WDR1: variants seen among roughly 807,000 people sequenced by gnomAD.
The protein encoded by WDR1 is WD repeat domain 1, also known as WD repeat-containing protein 1.
Under a neutral mutation model 71.9 loss-of-function variants are expected in WDR1, and 21 were observed. The observed-to-expected ratio is 0.29, with a 90% confidence interval of 0.21 to 0.42. WDR1 has a LOEUF of 0.42. Ranked by LOEUF, WDR1 falls within the 10% of genes least tolerant of loss-of-function variation. The pLI is 1.00. For synonymous variants in WDR1, 424 were observed against 347.4 expected (o/e 1.22, Z -2.45); for missense variants, 696 against 824.5 (o/e 0.84, Z 1.91).
chr4:10,105,878 A>G (rs1156475191), intron 2 of WDR1, among the ~76,000 whole-genome samples: 1 of 152,246 alleles, frequency 6.6e-6, no homozygotes, highest in Non-Finnish European at 1.5e-5. Context: ...CCAAATATCC[A>G]TCAACAGGTG....
At chr4:10,113,489 G>GGCAAGAAC (rs1370326726) in intron 2 of WDR1, among the ~76,000 whole-genome samples, 1 of 152,250 alleles carries the variant, frequency 6.6e-6, no homozygotes, top group Non-Finnish European at 1.5e-5. Flanking sequence ...GCAGCAAGGA[G>GGCAAGAAC]GCAAGAACGC....
rs940080876 is a variant in WDR1 at position 10,089,008 on chromosome 4, G to GC, written c.559-268dup. ...GCGAAGGCAGACCACCTCCAGTTATGCCCCCCCCAGTGAGGTGCCCCCAGC... is the reference window on the plus strand; with the variant it reads ...GCGAAGGCAGACCACCTCCAGTTATGCCCCCCCCCAGTGAGGTGCCCCCAGC... On this transcript the variant is annotated intron_variant, in intron 5 of 14. Coordinates refer to ENST00000499869, the MANE Select transcript of WDR1 (RefSeq NM_017491.5). Among the ~76,000 whole-genome samples, 260 of 151,970 alleles carry GC rather than the reference G, an allele frequency of 1.7e-3. 1 individual carries two copies. The highest frequency in any genetic ancestry group is 5.6e-3 in the African/African-American group (231 of 41,476).
intron 2 of WDR1, among the ~76,000 whole-genome samples, chr4:10,107,741 G>T (rs1004887587): frequency 1.3e-5 from 2 of 152,118 alleles, no homozygotes; most frequent in African/African-American, 4.8e-5. Flanking sequence ...GGAGGAGTCC[G>T]GGGGCCTCTG....
Position 10,074,994 on chromosome 4 carries a change from G to GC in WDR1, c.*383dup, listed in dbSNP as rs1361577788. The GC allele has an allele frequency of 2.4e-5, 7 of 289,122 alleles. No homozygotes were observed. The East Asian group carries it at 2.5e-4, about 10-fold the overall frequency. The allele number at this position is 289,122 out of a possible 1,614,324, so 17.9% of individuals were successfully genotyped here. A position where few individuals can be genotyped will look rare whatever the true frequency, so the allele number is the denominator to read the frequency against. Reference sequence around the variant, plus strand: ...AAATGTTCTGCAGGCAGGAACATGAGCCCCCCGGCTCATTCACCTGTACAA... The same window carrying GC: ...AAATGTTCTGCAGGCAGGAACATGAGCCCCCCCGGCTCATTCACCTGTACAA... On this transcript the variant is annotated 3_prime_UTR_variant, in exon 15 of 15. Transcript: ENST00000499869.
Position 10,114,259 on chromosome 4 carries a change from C to G in WDR1, c.138+1854G>C, listed in dbSNP as rs562110300. Among the ~76,000 whole-genome samples, 6 of 152,240 alleles carry G rather than the reference C, an allele frequency of 3.9e-5. No homozygotes were observed. In the South Asian group the frequency reaches 1.0e-3, roughly 26 times the overall value. On this transcript the variant is annotated intron_variant, in intron 2 of 14. Transcript: ENST00000499869. ...AACCCCTGAGAAGAAAATGGCAAAC[C>G]ACGGGGAAGGGGTAAGAATACAGAG...
intron 5 of WDR1, among the ~76,000 whole-genome samples, chr4:10,097,019 A>T (rs967345075): frequency 6.6e-6 from 1 of 152,192 alleles, no homozygotes; most frequent in African/African-American, 2.4e-5. Flanking sequence ...TGGGCATCAC[A>T]GATGCTCCAG....
rs1765130096 is a variant in WDR1 at position 10,084,425 on chromosome 4, C to G, written c.1039+18G>C. On this transcript the variant is annotated intron_variant, in intron 9 of 14. Transcript: ENST00000499869. The stretch of plus-strand genomic sequence containing the variant: ...AGAGCCAGCGGCTCCGGAGCCAGCT[C>G]TTTGAGTCAAAGGATATTAATGTGT... The G allele has an allele frequency of 2.5e-6, 4 of 1,612,036 alleles. No homozygotes were observed. The highest frequency in any genetic ancestry group is 4.5e-5 in the East Asian group (2 of 44,796).
intron 10 of WDR1, among the ~76,000 whole-genome samples, chr4:10,082,699 C>A (rs748158362): frequency 6.6e-6 from 1 of 152,200 alleles, no homozygotes; most frequent in Non-Finnish European, 1.5e-5. Context: ...CCACTGTACC[C>A]GCCTTTACTG....
chr4:10,095,994 C>T (rs1443902389), intron 5 of WDR1: 5 of 152,320 alleles, frequency 3.3e-5, no homozygotes, highest in Non-Finnish European at 5.9e-5. Flanking sequence ...ACTCCTGGGC[C>T]AGGGCAGTGG....
At chr4:10,103,597 G>GA (rs199607410) in intron 3 of WDR1, among the ~76,000 whole-genome samples, 22 of 151,840 alleles carry the variant, frequency 1.4e-4, no homozygotes, top group Admixed American at 3.9e-4. Context: ...AAAAAGAAAA[G>GA]AAAAAAAACC....
chr4:10,103,683 C>T (rs1712841242), intron 3 of WDR1, among the ~76,000 whole-genome samples: 1 of 152,188 alleles, frequency 6.6e-6, no homozygotes, highest in African/African-American at 2.4e-5. Flanking sequence ...GCCCATGGGC[C>T]ACCGGTTGGA....
chr4:10,113,578 C>T (rs776786734), intron 2 of WDR1, among the ~76,000 whole-genome samples: 1 of 148,680 alleles, frequency 6.7e-6, no homozygotes, highest in Non-Finnish European at 1.5e-5. Context: ...GTTTCAGCCA[C>T]TCCAGCGAGT....
intron 2 of WDR1, among the ~76,000 whole-genome samples, chr4:10,109,441 T>C (rs1300265688): frequency 6.6e-6 from 1 of 152,240 alleles, no homozygotes; most frequent in Non-Finnish European, 1.5e-5. Flanking sequence ...TTAGTGTGAT[T>C]CTTTAATACA....
intron 5 of WDR1, among the ~76,000 whole-genome samples, chr4:10,089,071 G>T (rs1711795283): frequency 6.6e-6 from 1 of 152,174 alleles, no homozygotes; most frequent in African/African-American, 2.4e-5. Flanking sequence ...AAGAGCTCAA[G>T]CCCCAATCCT....
intron 5 of WDR1, among the ~76,000 whole-genome samples, chr4:10,090,993 C>T (rs1711940585): frequency 6.6e-6 from 1 of 152,246 alleles, no homozygotes; most frequent in Non-Finnish European, 1.5e-5. Context: ...TGAACTTGGG[C>T]TCAGGTCTGT....
chr4:10,098,505 C>G (rs1048447418), intron 4 of WDR1, among the ~76,000 whole-genome samples: 1 of 152,184 alleles, frequency 6.6e-6, no homozygotes, highest in African/African-American at 2.4e-5. Flanking sequence ...ACCAACCTCA[C>G]CAGTCACTAG....
chr4:10,100,322 C>G (rs1560541219), intron 3 of WDR1, among the ~76,000 whole-genome samples: 1 of 152,210 alleles, frequency 6.6e-6, no homozygotes, highest in African/African-American at 2.4e-5. Flanking sequence ...GGCTTGTGTC[C>G]TTATCCAGAA....
At chr4:10,086,832 C>A (rs1486446600) in intron 8 of WDR1, among the ~76,000 whole-genome samples, 1 of 152,228 alleles carries the variant, frequency 6.6e-6, no homozygotes, top group Admixed American at 6.5e-5. Context: ...CCACCCTGGG[C>A]CACCAGCGCT....
At chr4:10,103,852 C>A in intron 3 of WDR1, 44 bp downstream of exon 3, 1 of 1,539,856 alleles carries the variant, frequency 6.5e-7, no homozygotes, top group Non-Finnish European at 8.8e-7. Flanking sequence ...TGAGCGCCAC[C>A]CAGGCCCCCA....
Sources: allele counts gnomAD v4.1 joint callset (sites outside exome capture counted in the v4.1 genomes callset), GRCh38; gene constraint gnomAD v4.1.1; transcripts MANE v1.5; gene names NCBI Gene and HGNC (gene_info 2026-07-23, HGNC 2026-07-21).